GALNTL6: variants seen among roughly 807,000 people sequenced by gnomAD.
GALNTL6 encodes the protein polypeptide N-acetylgalactosaminyltransferase-like 6.
Under a neutral mutation model 73.7 loss-of-function variants are expected in GALNTL6, and 46 were observed. The observed-to-expected ratio is 0.62, with a 90% CI of 0.49 to 0.80. GALNTL6 has a LOEUF of 0.80. Among genes scored for constraint, GALNTL6 ranks in the 30% least tolerant of loss-of-function variants. The pLI is 0.00. For missense variants in GALNTL6, 604 were observed against 755.0 expected, an observed-to-expected ratio of 0.80 and a Z score of 2.34; for synonymous variants, 259 against 263.7, an observed-to-expected ratio of 0.98 and a Z score of 0.17.
chr4:173,032,551 G>A (rs1292569005), intron 12 of GALNTL6, among the ~76,000 whole-genome samples: 2 of 152,124 alleles, frequency 1.3e-5, no homozygotes, highest in Non-Finnish European at 2.9e-5. Context: ...GCTGTGTGTG[G>A]TGGCAGCACG....
chr4:172,549,180 C>T (rs1735875224), intron 5 of GALNTL6, among the ~76,000 whole-genome samples: 1 of 152,148 alleles, frequency 6.6e-6, no homozygotes, highest in Non-Finnish European at 1.5e-5. Flanking sequence ...TTCCTTTTCC[C>T]AACTCCCAGT....
intron 3 of GALNTL6, among the ~76,000 whole-genome samples, chr4:172,308,716 A>G (rs188082221): frequency 6.6e-6 from 1 of 152,336 alleles, no homozygotes; most frequent in Admixed American, 6.5e-5. Context: ...CAGAGACTAT[A>G]TAAGTCCAAG....
intron 2 of GALNTL6, among the ~76,000 whole-genome samples, chr4:172,196,804 A>C (rs1239535256): frequency 6.6e-6 from 1 of 152,206 alleles, no homozygotes; most frequent in Non-Finnish European, 1.5e-5. Context: ...CAAAATAATA[A>C]GAGCCATTTA....
intron 2 of GALNTL6, among the ~76,000 whole-genome samples, chr4:171,934,648 T>A (rs1282915444): frequency 6.6e-6 from 1 of 152,080 alleles, no homozygotes; most frequent in Non-Finnish European, 1.5e-5. Context: ...ACTCCTGGGC[T>A]CAAGAAATCC....
At chr4:172,873,933 A>G (rs1328843012) in intron 7 of GALNTL6, among the ~76,000 whole-genome samples, 1 of 152,278 alleles carries the variant, frequency 6.6e-6, no homozygotes, top group African/African-American at 2.4e-5. Context: ...TTTGAGTTGC[A>G]ATCAGTGCTG....
chr4:172,442,667 G>A (rs1731874598), intron 5 of GALNTL6, among the ~76,000 whole-genome samples: 1 of 152,092 alleles, frequency 6.6e-6, no homozygotes, highest in Non-Finnish European at 1.5e-5. Context: ...TCTAAAGTGA[G>A]ACTATAGTCA....
intron 5 of GALNTL6, among the ~76,000 whole-genome samples, chr4:172,355,317 A>T (rs1200441662): frequency 6.6e-6 from 1 of 152,122 alleles, no homozygotes; most frequent in Non-Finnish European, 1.5e-5. Flanking sequence ...AGCTAGCTTT[A>T]ACAAAAAAGA....
rs1035093928 is a variant in GALNTL6, at chr4:172,931,025, G to A, written c.1042-136G>A. 13 of 641,786 alleles carry A rather than the reference G, an allele frequency of 2.0e-5. No homozygotes were observed. In the African/African-American group the frequency reaches 2.0e-4, roughly 10 times the overall value. 39.8% of individuals were successfully genotyped at this position (641,786 alleles called of 1,614,324 possible). On this transcript the variant is annotated intron_variant, in intron 8 of 12. Coordinates refer to ENST00000506823, the MANE Select transcript of GALNTL6 (RefSeq NM_001034845.3). ...TAAAAAAAAGTGGTTTTCTTTTCTGGTTAGCCATTTATAATAAGTAGAAAT... is the reference window on the plus strand; with the variant it reads ...TAAAAAAAAGTGGTTTTCTTTTCTGATTAGCCATTTATAATAAGTAGAAAT...
At chr4:172,766,169 A>G (rs559538136) in intron 5 of GALNTL6, among the ~76,000 whole-genome samples, 2 of 152,294 alleles carry the variant, frequency 1.3e-5, no homozygotes, top group African/African-American at 2.4e-5. Context: ...TATTCCATGT[A>G]CAACTGATTA....
chr4:172,700,273 A>T (rs1733951547), intron 5 of GALNTL6, among the ~76,000 whole-genome samples: 1 of 152,184 alleles, frequency 6.6e-6, no homozygotes, highest in Admixed American at 6.6e-5. Flanking sequence ...TGTGATGACA[A>T]TTATTGTTGA....
chr4:172,277,144 G>T (rs1738860618), intron 3 of GALNTL6, among the ~76,000 whole-genome samples: 2 of 151,918 alleles, frequency 1.3e-5, no homozygotes, highest in African/African-American at 2.4e-5. Context: ...CCTGATGGCT[G>T]TTGCTCACCA....
chr4:172,963,622 A>G (rs548976348), intron 10 of GALNTL6, among the ~76,000 whole-genome samples: 3 of 152,306 alleles, frequency 2.0e-5, no homozygotes, highest in African/African-American at 7.2e-5. Context: ...CCCACCTGCC[A>G]TTCACAGCTT....
intron 9 of GALNTL6, among the ~76,000 whole-genome samples, chr4:172,936,759 C>A (rs1411175118): frequency 6.6e-6 from 1 of 152,084 alleles, no homozygotes; most frequent in Non-Finnish European, 1.5e-5. Flanking sequence ...CATCCAAGAA[C>A]ATGGGAGACT....
At chr4:171,938,554 G>A (rs1054250538) in intron 2 of GALNTL6, among the ~76,000 whole-genome samples, 1 of 152,148 alleles carries the variant, frequency 6.6e-6, no homozygotes, top group African/African-American at 2.4e-5. Context: ...CTGTGTAAGT[G>A]TGAATTAAAA....
chr4:172,131,487 A>ATT (rs1733496090), intron 2 of GALNTL6, among the ~76,000 whole-genome samples: 1 of 147,536 alleles, frequency 6.8e-6, no homozygotes, highest in Non-Finnish European at 1.5e-5. Flanking sequence ...ATGTATATAT[A>ATT]TACATATATA....
chr4:172,926,880 T>A (rs1272676581), intron 8 of GALNTL6, among the ~76,000 whole-genome samples: 1 of 152,224 alleles, frequency 6.6e-6, no homozygotes, highest in Non-Finnish European at 1.5e-5. Context: ...TTACAGTCAC[T>A]AAATTTGATT....
At chr4:172,369,542 G>A (rs1055430130) in intron 5 of GALNTL6, among the ~76,000 whole-genome samples, 1 of 152,192 alleles carries the variant, frequency 6.6e-6, no homozygotes, top group African/African-American at 2.4e-5. Context: ...CGTCGGGGAG[G>A]TTCAGGCTGC....
At chr4:172,514,490 C>T (rs1014600615) in intron 5 of GALNTL6, among the ~76,000 whole-genome samples, 6 of 152,152 alleles carry the variant, frequency 3.9e-5, no homozygotes, top group Non-Finnish European at 5.9e-5. Flanking sequence ...GGGACTTTGC[C>T]GCAAGCTACC....
At chr4:172,931,563 T>A (rs1448170136) in intron 9 of GALNTL6, among the ~76,000 whole-genome samples, 1 of 152,232 alleles carries the variant, frequency 6.6e-6, no homozygotes, top group Non-Finnish European at 1.5e-5. Context: ...AACTAGGTGC[T>A]TGTTCATGCT....
Sources: allele counts gnomAD v4.1 joint callset (sites outside exome capture counted in the v4.1 genomes callset), GRCh38; gene constraint gnomAD v4.1.1; transcripts MANE v1.5; gene names NCBI Gene and HGNC (gene_info 2026-07-23, HGNC 2026-07-21).